The following SLC7A11 variants were observed in gnomAD, a reference collection of about 807,000 sequenced individuals.
SLC7A11 encodes cystine/glutamate transporter.
Under a neutral mutation model 54.5 loss-of-function variants are expected in SLC7A11, and 35 were observed. That is an observed-to-expected ratio of 0.64 (90% CI 0.49 to 0.85). The LOEUF (loss-of-function observed/expected upper bound fraction) is 0.85, where lower values mean the gene tolerates loss of function less well. Ranked by LOEUF, SLC7A11 falls within the 40% of genes least tolerant of loss-of-function variation. The pLI is 0.00. For missense variants in SLC7A11, 583 were observed against 618.1 expected, an observed-to-expected ratio of 0.94 and a Z score of 0.60; for synonymous variants, 230 against 225.2, an observed-to-expected ratio of 1.02 and a Z score of -0.19.
rs776653067 is a variant in SLC7A11 at position 138,242,042 on chromosome 4, T to C, written c.28A>G (p.Ile10Val). 1.9e-6 allele frequency: 3 copies of C among 1,614,002 alleles called. No individual in the cohort carries two copies. The highest frequency in any genetic ancestry group is 2.2e-5 in the East Asian group (1 of 44,868). The change falls in exon 1 of 12, where the codon ATC becomes GTC. Residue 10 changes from isoleucine to valine, a missense_variant. Physicochemically the swap from Ile to Val is conservative, Grantham distance 29. Transcript: ENST00000280612. The part of the protein sequence containing the change: MVRKPVVST[I>V]SKGGYLQGNV... ...CCCTGCAGGTAACCTCCTTTGGAGATGGTGGACACAACAGGCTTTCTGACC... is the reference window on the plus strand; with the variant it reads ...CCCTGCAGGTAACCTCCTTTGGAGACGGTGGACACAACAGGCTTTCTGACC...
At chr4:138,223,165 G>C in intron 4 of SLC7A11, 34 bp downstream of exon 4, 1 of 1,589,964 alleles carries the variant, frequency 6.3e-7, no homozygotes, top group East Asian at 2.2e-5. Context: ...AAGCAGATAC[G>C]TATTTTAAAA....
At chr4:138,182,438 A>T (rs771830687) in intron 8 of SLC7A11, 45 bp from the exon 9 acceptor site, 6 of 1,217,724 alleles carry the variant, frequency 4.9e-6, no homozygotes, top group Non-Finnish European at 6.1e-6. Flanking sequence ...ATGATTGATC[A>T]TTTCAAAGGG....
At chr4:138,206,996 C>CCA (rs1553943857) in intron 6 of SLC7A11, among the ~76,000 whole-genome samples, 2,066 of 113,638 alleles carry the variant, frequency 0.018, 56 homozygotes, top group African/African-American at 0.062. Flanking sequence ...TAAAGAAAAG[C>CCA]AAAAAAAAAA....
At chr4:138,209,568 A>G (rs1737498529) in intron 6 of SLC7A11, among the ~76,000 whole-genome samples, 1 of 152,092 alleles carries the variant, frequency 6.6e-6, no homozygotes, top group African/African-American at 2.4e-5. Context: ...ATGTACAAAA[A>G]TCAGTAGCAT....
chr4:138,165,575 TGTTGAGAA>T lies in SLC7A11; in HGVS notation c.*6373_*6380del, dbSNP rs1296303392. On this transcript the variant is annotated 3_prime_UTR_variant, in exon 12 of 12. Coordinates refer to ENST00000280612, the MANE Select transcript of SLC7A11 (RefSeq NM_014331.4). The stretch of plus-strand genomic sequence containing the variant: ...TGCTCATATTTGCAAAGTTCCCAAA[TGTTGAGAA>T]GTTCTAGTGAAAAGTCATACTATTG... The T allele has an allele frequency of 2.0e-5, 3 of 152,174 alleles. No homozygotes were observed. Among genetic ancestry groups the T allele is most frequent in the Admixed American group, 2.0e-4 (3 of 15,276 alleles). The allele number at this position is 152,174 out of a possible 1,614,324, so 9.4% of individuals were successfully genotyped here.
chr4:138,180,542 T>A (rs1736711475), intron 10 of SLC7A11, 99 bp downstream of exon 10: 1 of 1,183,840 alleles, frequency 8.4e-7, no homozygotes, highest in African/African-American at 1.6e-5. Context: ...CCACAGATGC[T>A]GCCCCCAGCC....
chr4:138,169,826 T>C lies in SLC7A11; in HGVS notation c.*2130A>G, dbSNP rs1374976659. ...CAATATTTACTGGAAATAGGAATTA[T>C]AAATCAAATTTTGAAAACCCTATGC... On this transcript the variant is annotated 3_prime_UTR_variant, in exon 12 of 12. Transcript: ENST00000280612. 1 of 152,060 alleles carries C rather than the reference T, an allele frequency of 6.6e-6. No individual in the cohort carries two copies. The highest frequency in any genetic ancestry group is 2.4e-5 in the African/African-American group (1 of 41,432). 9.4% of individuals were successfully genotyped at this position (152,060 alleles called of 1,614,324 possible). A position where few individuals can be genotyped will look rare whatever the true frequency, so the allele number is the denominator to read the frequency against.
intron 3 of SLC7A11, 151 bp downstream of exon 3, chr4:138,232,116 C>T (rs1266917912): frequency 3.0e-6 from 2 of 667,636 alleles, no homozygotes; most frequent in Non-Finnish European, 5.4e-6. Flanking sequence ...TTGGATCCCA[C>T]TCCAAATCCT....
In SLC7A11 at chr4:138,171,824, T is replaced by C; in HGVS notation, c.*132A>G. The C allele has an allele frequency of 1.0e-5, 12 of 1,165,930 alleles. No homozygotes were observed. The highest frequency in any genetic ancestry group is 1.4e-5 in the Non-Finnish European group (12 of 849,196). The allele number at this position is 1,165,930 out of a possible 1,614,324, so 72.2% of individuals were successfully genotyped here. A position where few individuals can be genotyped will look rare whatever the true frequency, so the allele number is the denominator to read the frequency against. The stretch of plus-strand genomic sequence containing the variant: ...AAATTAGTTCGAATATGCTAAAATA[T>C]ATGAATAAAAATAACTGACTCCTTT... On this transcript the variant is annotated 3_prime_UTR_variant, in exon 12 of 12. Coordinates refer to ENST00000280612, the MANE Select transcript of SLC7A11 (RefSeq NM_014331.4).
rs554466372 is a variant in SLC7A11 at position 138,219,986 on chromosome 4, C to T, written c.647-621G>A. ...ATGGAGTCTCACTCTGTGGCCCAGG[C>T]TGGAGTGCAGTGGCACAATCTTGGC... On this transcript the variant is annotated intron_variant, in intron 4 of 11. Coordinates refer to ENST00000280612, the MANE Select transcript of SLC7A11 (RefSeq NM_014331.4). Among the ~76,000 whole-genome samples, 22 of 147,284 alleles carry T rather than the reference C, an allele frequency of 1.5e-4. No homozygotes were observed. In the South Asian group the frequency reaches 4.7e-3, roughly 32 times the overall value.
intron 6 of SLC7A11, among the ~76,000 whole-genome samples, chr4:138,200,835 T>A (rs1288942421): frequency 6.6e-6 from 1 of 152,140 alleles, no homozygotes; most frequent in East Asian, 1.9e-4. Context: ...CAAGTCAATG[T>A]GTGAATAGAA....
At chr4:138,232,226 T>G (rs1243880279) in intron 3 of SLC7A11, 41 bp downstream of exon 3, 5 of 1,259,002 alleles carry the variant, frequency 4.0e-6, no homozygotes, top group Admixed American at 1.7e-5. Context: ...ATCATTTTTG[T>G]GTTGTTTTTC....
intron 6 of SLC7A11, among the ~76,000 whole-genome samples, chr4:138,213,689 GATAA>G (rs1350962483): frequency 6.6e-6 from 1 of 151,782 alleles, no homozygotes; most frequent in African/African-American, 2.4e-5. Context: ...TGCCAAACTG[GATAA>G]ATAATCTATT....
intron 5 of SLC7A11, among the ~76,000 whole-genome samples, chr4:138,215,264 A>C (rs1237114081): frequency 6.6e-6 from 1 of 152,198 alleles, no homozygotes; most frequent in East Asian, 1.9e-4. Flanking sequence ...TATTCAATAT[A>C]ATCTTCCATT....
chr4:138,225,957 A>T (rs1290130065), intron 3 of SLC7A11, among the ~76,000 whole-genome samples: 2 of 152,070 alleles, frequency 1.3e-5, no homozygotes, highest in Non-Finnish European at 2.9e-5. Flanking sequence ...TTTTGGAACA[A>T]CTAACTATAT....
At chr4:138,236,824 C>G (rs1001227588) in intron 1 of SLC7A11, among the ~76,000 whole-genome samples, 1 of 152,070 alleles carries the variant, frequency 6.6e-6, no homozygotes, top group African/African-American at 2.4e-5. Context: ...CAACCTCACA[C>G]CAAGACAAGG....
At chr4:138,212,108 T>C (rs1737565862) in intron 6 of SLC7A11, among the ~76,000 whole-genome samples, 1 of 151,886 alleles carries the variant, frequency 6.6e-6, no homozygotes, top group South Asian at 2.1e-4. Flanking sequence ...ACACATCGTA[T>C]GCATGCATCG....
intron 6 of SLC7A11, among the ~76,000 whole-genome samples, chr4:138,199,928 T>G (rs1737237422): frequency 6.6e-6 from 1 of 152,116 alleles, no homozygotes; most frequent in African/African-American, 2.4e-5. Context: ...AAGAGGACAC[T>G]GCACTGTGAG....
intron 11 of SLC7A11, chr4:138,177,489 C>G (rs575959536): frequency 2.0e-5 from 3 of 151,668 alleles, no homozygotes; most frequent in Non-Finnish European, 4.4e-5. Context: ...CTCTCTCCGC[C>G]CCCCCCACTT....
Sources: gnomAD v4.1 joint callset for allele counts (sites outside exome capture counted in the v4.1 genomes callset) on GRCh38, gnomAD v4.1.1 for gene constraint, MANE v1.5 for transcripts, NCBI Gene and HGNC (gene_info 2026-07-23, HGNC 2026-07-21) for gene names.